MPHOSPH8: variants seen among roughly 807,000 people sequenced by gnomAD.
The protein encoded by MPHOSPH8 is M-phase phosphoprotein, mpp.
MPHOSPH8 carries 45 observed loss-of-function variants against 87.3 expected under a neutral mutation model. The ratio of observed to expected loss-of-function variants is 0.52; its 90% CI spans 0.41 to 0.66. The LOEUF is 0.66. MPHOSPH8 is among the 30% of genes least tolerant of loss of function. The probability of loss-of-function intolerance (pLI) is 0.00; values close to 1 mark genes in which losing one functional copy is unlikely to be tolerated. For missense variants in MPHOSPH8, 883 were observed against 1,020.2 expected (o/e 0.87, Z 1.83); for synonymous variants, 366 against 376.9 (o/e 0.97, Z 0.33).
chr13:19,649,967 C>A, intron 4 of MPHOSPH8, 36 bp from the exon 5 acceptor site: 1 of 1,478,444 alleles, frequency 6.8e-7, no homozygotes, highest in Non-Finnish European at 9.1e-7. Context: ...AAATTTGTGA[C>A]TCATACTTAA....
At chr13:19,661,943 C>CG in intron 8 of MPHOSPH8, 105 bp downstream of exon 8, 1 of 1,220,468 alleles carries the variant, frequency 8.2e-7, no homozygotes, top group Non-Finnish European at 1.1e-6. Context: ...ATGGTCACAT[C>CG]GCTTTTTTTT....
intron 8 of MPHOSPH8, 143 bp downstream of exon 8, chr13:19,661,981 G>A (rs1050659661): frequency 7.2e-5 from 81 of 1,123,504 alleles, no homozygotes; most frequent in Middle Eastern, 6.5e-4. Flanking sequence ...TCGCTCTGTC[G>A]CCGAGGCTGG....
At chr13:19,652,344 C>G (rs948618469) in intron 5 of MPHOSPH8, among the ~76,000 whole-genome samples, 1 of 152,150 alleles carries the variant, frequency 6.6e-6, no homozygotes, top group African/African-American at 2.4e-5. Context: ...AACTCCCTCC[C>G]CTAGCCAAGG....
At chr13:19,645,233 C>T (rs1168647237) in intron 2 of MPHOSPH8, among the ~76,000 whole-genome samples, 1 of 152,166 alleles carries the variant, frequency 6.6e-6, no homozygotes, top group Non-Finnish European at 1.5e-5. Context: ...TTCGCTTCCC[C>T]TGAGTGACCA....
intron 7 of MPHOSPH8, among the ~76,000 whole-genome samples, chr13:19,661,268 A>G (rs1875512783): frequency 1.3e-5 from 2 of 152,220 alleles, no homozygotes; most frequent in Non-Finnish European, 1.5e-5. Context: ...GAATAGCATT[A>G]CATCTTTTAA....
intron 1 of MPHOSPH8, among the ~76,000 whole-genome samples, chr13:19,641,718 A>G (rs1874303628): frequency 6.6e-6 from 1 of 151,190 alleles, no homozygotes; most frequent in Non-Finnish European, 1.5e-5. Context: ...CTGGTCTTCA[A>G]CTCCTGACCT....
chr13:19,644,299 A>G (rs1347597271), intron 2 of MPHOSPH8, among the ~76,000 whole-genome samples: 6 of 152,166 alleles, frequency 3.9e-5, no homozygotes, highest in Non-Finnish European at 5.9e-5. Flanking sequence ...CTCTCCCTCT[A>G]TATCTAATTT....
chr13:19,668,452 A>G lies in MPHOSPH8; in HGVS notation c.2250A>G (p.Pro750=). Residue 750 remains proline (P), a synonymous_variant, in exon 11 of 14, where the codon CCA becomes CCG. Transcript: ENST00000361479. ...TTGCTCTGCTAGAACCAGTTTTTCC[A>G]ATCGCATGTCATCGACTCTGTGAGG... ...ARLALLEPVF[P]IACHRLCEGP... is the part of the protein sequence containing the mutation. 1 of 1,614,098 alleles carries G rather than the reference A, an allele frequency of 6.2e-7. No individual in the cohort carries two copies. Among genetic ancestry groups the G allele is most frequent in the South Asian group, 1.1e-5 (1 of 91,086 alleles).
intron 13 of MPHOSPH8, 132 bp from the exon 14 acceptor site, chr13:19,671,702 A>G (rs1876137230): frequency 1.3e-6 from 1 of 741,982 alleles, no homozygotes; most frequent in Non-Finnish European, 2.3e-6. Context: ...ATGATCTAAC[A>G]ATGTAAATTG....
At chr13:19,658,946 TTTTATACTTCAGACAAA>T in intron 5 of MPHOSPH8, 32 bp from the exon 6 acceptor site, 1 of 1,586,258 alleles carries the variant, frequency 6.3e-7, no homozygotes, top group Non-Finnish European at 8.6e-7. Context: ...ATTGTGGGTT[TTTTATACTTCAGACAAA>T]TGTATGTTAA....
Position 19,652,783 on chromosome 13 carries a change from G to A in MPHOSPH8, c.1576+2523G>A, listed in dbSNP as rs139217130. 6.0e-3 allele frequency among the ~76,000 whole-genome samples: 914 copies of A among 152,190 alleles called. 11 individuals are homozygous for A. Among genetic ancestry groups the A allele is most frequent in the African/African-American group, 0.021 (858 of 41,542 alleles). ...GCCATTGCTGAGGCTCGAGTAGGTC[G>A]TTTTACCCTCATAGTGTAAGCAAAG... On this transcript the variant is annotated intron_variant, in intron 5 of 13. Transcript: ENST00000361479.
intron 2 of MPHOSPH8, 114 bp from the exon 3 acceptor site, chr13:19,646,329 T>C (rs562714393): frequency 6.5e-6 from 6 of 927,792 alleles, no homozygotes; most frequent in African/African-American, 3.5e-5. Flanking sequence ...TTTTAAGAAG[T>C]TGAGATTCTG....
chr13:19,647,955 AC>A (rs772259794), intron 3 of MPHOSPH8, among the ~76,000 whole-genome samples: 16 of 152,178 alleles, frequency 1.1e-4, no homozygotes, highest in Non-Finnish European at 1.8e-4. Flanking sequence ...GCAAAATAGA[AC>A]AACTTAGAAA....
At chr13:19,663,163 C>T (rs762797934) in intron 9 of MPHOSPH8, 37 bp downstream of exon 9, 28 of 1,548,382 alleles carry the variant, frequency 1.8e-5, no homozygotes, top group Admixed American at 6.7e-5. Flanking sequence ...TTCTTCACTA[C>T]GTTGGCAGGT....
At chr13:19,662,975 A>G (rs1460627739) in intron 8 of MPHOSPH8, 65 bp from the exon 9 acceptor site, 11 of 1,399,728 alleles carry the variant, frequency 7.9e-6, no homozygotes, top group Non-Finnish European at 1.1e-5. Context: ...AAAAATTTCA[A>G]AATATCTGAA....
intron 4 of MPHOSPH8, among the ~76,000 whole-genome samples, chr13:19,649,263 G>C (rs1402129784): frequency 6.6e-6 from 1 of 151,786 alleles, no homozygotes; most frequent in East Asian, 1.9e-4. Context: ...AACTGGACCT[G>C]GCCTTGTTAA....
intron 1 of MPHOSPH8, among the ~76,000 whole-genome samples, chr13:19,636,142 A>G (rs1873995247): frequency 6.6e-6 from 1 of 152,220 alleles, no homozygotes; most frequent in Non-Finnish European, 1.5e-5. Context: ...AGAACGGACT[A>G]ATACAAAAGG....
In MPHOSPH8 at chr13:19,672,720, ATCATCTTT is replaced by A. The variant is rs1318411091; in HGVS notation, c.*849_*856del. The A allele has an allele frequency of 6.1e-6, 1 of 163,902 alleles. No homozygotes were observed. The highest frequency in any genetic ancestry group is 1.3e-5 in the Non-Finnish European group (1 of 74,662). 10.2% of individuals were successfully genotyped at this position (163,902 alleles called of 1,614,324 possible). On this transcript the variant is annotated 3_prime_UTR_variant, in exon 14 of 14. Transcript: ENST00000361479. ...CTTTGTAAATATGCTGTAGTCACTT[ATCATCTTT>A]TCAAAGGGTAACAAGAGAATCTAAG...
At chr13:19,654,877 G>C (rs1037721252) in intron 5 of MPHOSPH8, among the ~76,000 whole-genome samples, 1 of 152,056 alleles carries the variant, frequency 6.6e-6, no homozygotes, top group Non-Finnish European at 1.5e-5. Flanking sequence ...GAACCCAGGA[G>C]GCAGAGGTTT....
Sources: gnomAD v4.1 joint callset for allele counts (sites outside exome capture counted in the v4.1 genomes callset) on GRCh38, gnomAD v4.1.1 for gene constraint, MANE v1.5 for transcripts, NCBI Gene and HGNC (gene_info 2026-07-23, HGNC 2026-07-21) for gene names.